The following EPHA6 variants were observed in gnomAD, a reference collection of about 807,000 sequenced individuals.
EPHA6 encodes the protein ephrin type-A receptor 6.
In EPHA6, 50 loss-of-function variants were observed where a neutral mutation model predicts 112.0. That is an observed-to-expected ratio of 0.45 (90% CI 0.36 to 0.56). The LOEUF (loss-of-function observed/expected upper bound fraction) is 0.56. Ranked by LOEUF, EPHA6 falls within the 20% of genes least tolerant of loss-of-function variation. EPHA6 has a pLI of 0.00. For missense variants in EPHA6, 1,280 were observed against 1,417.4 expected (o/e 0.90, Z 1.56); for synonymous variants, 529 against 490.7 (o/e 1.08, Z -1.03).
At chr3:97,209,913 G>A (rs1215283247) in intron 3 of EPHA6, among the ~76,000 whole-genome samples, 2 of 152,140 alleles carry the variant, frequency 1.3e-5, no homozygotes, top group African/African-American at 2.4e-5. Flanking sequence ...AAAGACGAAT[G>A]TCTTACTTAT....
chr3:97,734,406 C>A (rs77287105), intron 15 of EPHA6, among the ~76,000 whole-genome samples: 1 of 152,018 alleles, frequency 6.6e-6, no homozygotes, highest in African/African-American at 2.4e-5. Flanking sequence ...TCTTAAAACC[C>A]AAGCCTAGTT....
intron 2 of EPHA6, among the ~76,000 whole-genome samples, chr3:96,905,426 G>A (rs2038879542): frequency 6.6e-6 from 1 of 151,788 alleles, no homozygotes; most frequent in African/African-American, 2.4e-5. Flanking sequence ...CACTTGGCTT[G>A]ATCATCTAGC....
At chr3:97,428,925 T>C (rs1359675006) in intron 6 of EPHA6, among the ~76,000 whole-genome samples, 4 of 152,144 alleles carry the variant, frequency 2.6e-5, no homozygotes, top group Non-Finnish European at 5.9e-5. Context: ...CTTCTTTAAC[T>C]CTCTCTTCTC....
intron 6 of EPHA6, among the ~76,000 whole-genome samples, chr3:97,417,423 GA>G (rs112473463): frequency 1.4e-4 from 21 of 151,144 alleles, no homozygotes; most frequent in African/African-American, 3.9e-4. Context: ...TTTTTTAATG[GA>G]AAAAAAAGTG....
At chr3:96,944,918 C>A (rs140462875) in intron 2 of EPHA6, among the ~76,000 whole-genome samples, 3 of 152,070 alleles carry the variant, frequency 2.0e-5, no homozygotes, top group African/African-American at 7.2e-5. Flanking sequence ...CCAGCCTAGG[C>A]GACAGAGCGA....
At chr3:97,438,394 T>C (rs562291989) in intron 6 of EPHA6, among the ~76,000 whole-genome samples, 10 of 152,314 alleles carry the variant, frequency 6.6e-5, no homozygotes, top group Admixed American at 3.9e-4. Context: ...ACTGACATAA[T>C]ATTATTACAT....
chr3:97,156,080 A>C (rs1050770324), intron 3 of EPHA6, among the ~76,000 whole-genome samples: 2 of 152,180 alleles, frequency 1.3e-5, no homozygotes, highest in African/African-American at 4.8e-5. Context: ...ACAGGTTCCA[A>C]CCTCATACCA....
intron 2 of EPHA6, among the ~76,000 whole-genome samples, chr3:96,925,720 C>T (rs774677593): frequency 1.5e-4 from 23 of 151,840 alleles, no homozygotes; most frequent in Non-Finnish European, 3.1e-4. Flanking sequence ...ATTCTCCTGC[C>T]TCAGTCTTCT....
intron 5 of EPHA6, among the ~76,000 whole-genome samples, chr3:97,260,927 A>G (rs1454899577): frequency 1.3e-5 from 2 of 152,250 alleles, no homozygotes; most frequent in African/African-American, 2.4e-5. Flanking sequence ...CAAGGCTGCC[A>G]GTAGCTATTG....
intron 5 of EPHA6, among the ~76,000 whole-genome samples, chr3:97,307,525 TG>T (rs757311697): frequency 9.2e-5 from 14 of 151,796 alleles, no homozygotes; most frequent in Non-Finnish European, 1.3e-4. Flanking sequence ...AGCTGTCATA[TG>T]AGCTCTGACA....
At chr3:97,143,573 T>C (rs1449364376) in intron 3 of EPHA6, among the ~76,000 whole-genome samples, 1 of 151,834 alleles carries the variant, frequency 6.6e-6, no homozygotes. Context: ...GAGGGTGTTA[T>C]GAATGCTTAT....
chr3:97,207,245 GAATATCAAGGGTCACTTATTTATT>G (rs1249437322), intron 3 of EPHA6, among the ~76,000 whole-genome samples: 2 of 152,086 alleles, frequency 1.3e-5, no homozygotes, highest in Admixed American at 6.6e-5. Context: ...ATAAGTCAAA[GAATATCAAGGGTCACTTATTTATT>G]TTGTTAGTCA....
chr3:96,857,116 T>G (rs935283261), intron 1 of EPHA6, among the ~76,000 whole-genome samples: 3 of 152,176 alleles, frequency 2.0e-5, no homozygotes, highest in African/African-American at 7.2e-5. Context: ...CAATGTCTTA[T>G]CAAACCTACA....
intron 2 of EPHA6, among the ~76,000 whole-genome samples, chr3:96,947,400 G>C (rs2041323113): frequency 6.6e-6 from 1 of 152,038 alleles, no homozygotes; most frequent in Non-Finnish European, 1.5e-5. Context: ...TCTACATATG[G>C]CTAGCCAGTT....
chr3:96,922,957 A>T (rs575047511), intron 2 of EPHA6, among the ~76,000 whole-genome samples: 2 of 152,326 alleles, frequency 1.3e-5, no homozygotes, highest in Admixed American at 1.3e-4. Context: ...ATGTCTTTGC[A>T]AAGGACATGA....
At chr3:97,416,571 A>G (rs1244879404) in intron 6 of EPHA6, among the ~76,000 whole-genome samples, 1 of 152,240 alleles carries the variant, frequency 6.6e-6, no homozygotes, top group Non-Finnish European at 1.5e-5. Flanking sequence ...TGTGGCTTGA[A>G]TATAGTAAGG....
intron 3 of EPHA6, among the ~76,000 whole-genome samples, chr3:97,046,434 A>T (rs2045509577): frequency 6.6e-6 from 1 of 152,186 alleles, no homozygotes; most frequent in Non-Finnish European, 1.5e-5. Context: ...ACAGTAAAGG[A>T]TATATTCAAA....
chr3:96,976,034 T>G (rs2042509101), intron 2 of EPHA6, among the ~76,000 whole-genome samples: 1 of 152,152 alleles, frequency 6.6e-6, no homozygotes, highest in Admixed American at 6.6e-5. Context: ...AGTGCAAAAT[T>G]AATAGCAAAA....
chr3:97,498,816 A>G (rs2092047596), intron 10 of EPHA6, among the ~76,000 whole-genome samples: 2 of 152,166 alleles, frequency 1.3e-5, no homozygotes, highest in Non-Finnish European at 2.9e-5. Context: ...ATGCCTGATG[A>G]TCTGAAATAG....
Sources: gnomAD v4.1 joint callset for allele counts (sites outside exome capture counted in the v4.1 genomes callset) on GRCh38, gnomAD v4.1.1 for gene constraint, MANE v1.5 for transcripts, NCBI Gene and HGNC (gene_info 2026-07-23, HGNC 2026-07-21) for gene names.